Variants in ATXN1 observed in about 807,000 individuals in gnomAD.
ATXN1 encodes the protein ataxin-1.
Under a neutral mutation model 56.4 loss-of-function variants are expected in ATXN1, and 8 were observed. That is an observed-to-expected ratio of 0.14 (90% CI 0.08 to 0.26). The LOEUF (loss-of-function observed/expected upper bound fraction) is 0.26, where lower values mean the gene tolerates loss of function less well. Among genes scored for constraint, ATXN1 ranks in the 10% least tolerant of loss-of-function variants. The pLI, the probability that ATXN1 is intolerant of heterozygous loss-of-function variation, is 1.00. For missense variants in ATXN1, 987 were observed against 1,106.5 expected, an observed-to-expected ratio of 0.89 and a Z score of 1.53; for synonymous variants, 514 against 494.6, an observed-to-expected ratio of 1.04 and a Z score of -0.52.
chr6:16,577,322 G>A (rs1052640467), intron 4 of ATXN1, among the ~76,000 whole-genome samples: 1 of 151,998 alleles, frequency 6.6e-6, no homozygotes, highest in African/African-American at 2.4e-5. Flanking sequence ...CCAGGAGTTC[G>A]AGACCAGCCT....
At chr6:16,587,952 T>C (rs899921675) in intron 3 of ATXN1, among the ~76,000 whole-genome samples, 3 of 151,306 alleles carry the variant, frequency 2.0e-5, no homozygotes, top group African/African-American at 7.3e-5. Context: ...AAAAGAAAAT[T>C]CCTACTCATT....
chr6:16,419,086 C>A (rs1758976209), intron 6 of ATXN1, among the ~76,000 whole-genome samples: 2 of 152,230 alleles, frequency 1.3e-5, no homozygotes, highest in South Asian at 2.1e-4. Flanking sequence ...AATGATGGTA[C>A]ATATGTCTTA....
At chr6:16,445,003 A>G (rs1759603464) in intron 6 of ATXN1, among the ~76,000 whole-genome samples, 1 of 152,162 alleles carries the variant, frequency 6.6e-6, no homozygotes, top group Non-Finnish European at 1.5e-5. Context: ...ATTCTACCAG[A>G]CAAATGGTCT....
Position 16,304,636 on chromosome 6 carries a change from T to G in ATXN1, c.*1693A>C, listed in dbSNP as rs565832860. The G allele has an allele frequency of 2.0e-5, 3 of 152,688 alleles. No homozygotes were observed. The highest frequency in any genetic ancestry group is 7.2e-5 in the African/African-American group (3 of 41,546). 9.5% of individuals were successfully genotyped at this position (152,688 alleles called of 1,614,324 possible). On this transcript the variant is annotated 3_prime_UTR_variant, in exon 8 of 8. Coordinates refer to ENST00000436367, the MANE Select transcript of ATXN1 (RefSeq NM_001128164.2). ...ATGTGGTAAAAAGACCAAAATGAAT[T>G]TTCAAAGGAACATAACCTTATAAAA...
intron 2 of ATXN1, among the ~76,000 whole-genome samples, chr6:16,671,136 TA>T (rs1758531491): frequency 6.6e-6 from 1 of 152,214 alleles, no homozygotes; most frequent in Non-Finnish European, 1.5e-5. Context: ...GATGATGCCA[TA>T]ATTGTCCAAA....
intron 6 of ATXN1, among the ~76,000 whole-genome samples, chr6:16,437,881 G>A (rs1201954773): frequency 6.6e-6 from 1 of 152,154 alleles, no homozygotes; most frequent in Non-Finnish European, 1.5e-5. Context: ...GACCTTGTCT[G>A]GGGAAGAGGG....
chr6:16,694,805 A>T (rs1330623427), intron 2 of ATXN1, among the ~76,000 whole-genome samples: 1 of 152,164 alleles, frequency 6.6e-6, no homozygotes, highest in African/African-American at 2.4e-5. Context: ...TGCTAAATCA[A>T]TCAGCTTGTT....
intron 6 of ATXN1, among the ~76,000 whole-genome samples, chr6:16,351,093 A>C (rs1218711733): frequency 6.6e-6 from 1 of 152,184 alleles, no homozygotes; most frequent in Non-Finnish European, 1.5e-5. Context: ...TGTCTCAAAA[A>C]ATAAAGAAAA....
At chr6:16,475,994 C>T (rs1049877698) in intron 6 of ATXN1, among the ~76,000 whole-genome samples, 5 of 151,946 alleles carry the variant, frequency 3.3e-5, no homozygotes, top group Non-Finnish European at 7.4e-5. Flanking sequence ...CTCAGCCTCC[C>T]GAGTAGCTGG....
chr6:16,491,447 GC>G (rs1760662952), intron 5 of ATXN1, among the ~76,000 whole-genome samples: 2 of 151,648 alleles, frequency 1.3e-5, no homozygotes, highest in African/African-American at 4.8e-5. Flanking sequence ...ACTACGCCCG[GC>G]TAATTTTTGG....
chr6:16,527,971 T>C (rs1482754995), intron 4 of ATXN1, among the ~76,000 whole-genome samples: 2 of 152,154 alleles, frequency 1.3e-5, no homozygotes, highest in Non-Finnish European at 2.9e-5. Context: ...ATGGTCAGGC[T>C]GTGTTGTGTG....
intron 5 of ATXN1, among the ~76,000 whole-genome samples, chr6:16,510,073 G>A (rs759837718): frequency 5.9e-5 from 9 of 152,112 alleles, no homozygotes; most frequent in Non-Finnish European, 7.3e-5. Context: ...CCTCTGAAGC[G>A]TGTTTTTACT....
chr6:16,622,300 G>T lies in ATXN1; in HGVS notation c.-489+35476C>A, dbSNP rs139274278. On this transcript the variant is annotated intron_variant, in intron 3 of 7. Transcript: ENST00000436367. ...GGGAGGAACATGTTTGCATTAAACG[G>T]TAAGGAGCTTAGCTCAGGGCTCATA... Among the ~76,000 whole-genome samples, 6 of 152,282 alleles carry T rather than the reference G, an allele frequency of 3.9e-5. No individual in the cohort carries two copies. In the East Asian group the frequency reaches 5.8e-4, roughly 15 times the overall value.
chr6:16,744,758 G>T (rs1343096661), intron 2 of ATXN1, among the ~76,000 whole-genome samples: 2 of 152,224 alleles, frequency 1.3e-5, no homozygotes, highest in Non-Finnish European at 2.9e-5. Flanking sequence ...CCACTCGCCA[G>T]CCTGGTGCAG....
chr6:16,381,291 A>G (rs1157849699), intron 6 of ATXN1, among the ~76,000 whole-genome samples: 2 of 152,064 alleles, frequency 1.3e-5, no homozygotes, highest in Non-Finnish European at 2.9e-5. Flanking sequence ...ATCATGAAAA[A>G]AAAAGGGGGA....
chr6:16,344,462 G>C (rs536693063), intron 6 of ATXN1, among the ~76,000 whole-genome samples: 6 of 152,324 alleles, frequency 3.9e-5, no homozygotes, highest in African/African-American at 1.4e-4. Flanking sequence ...AGCTGCCAGT[G>C]AGGCTAGAAT....
intron 6 of ATXN1, among the ~76,000 whole-genome samples, chr6:16,480,831 G>A (rs1233467876): frequency 6.6e-6 from 1 of 152,142 alleles, no homozygotes; most frequent in Admixed American, 6.6e-5. Flanking sequence ...GATGCTGAGA[G>A]GAGGAGCTGA....
In ATXN1 at chr6:16,674,156, C is replaced by T. The variant is rs150694018; in HGVS notation, c.-614-16255G>A. Among the ~76,000 whole-genome samples the T allele has an allele frequency of 9.7e-3, 1,471 of 152,074 alleles. 15 individuals carry two copies. The highest frequency in any genetic ancestry group is 0.062 in the Middle Eastern group (18 of 292). On this transcript the variant is annotated intron_variant, in intron 2 of 7. Coordinates refer to ENST00000436367, the MANE Select transcript of ATXN1 (RefSeq NM_001128164.2). ...AAACAGCTCAAACTCAGAATTCAAC[C>T]ACAGGACTTTTTTTTAAAATGGCCC...
rs574442178 is a variant in ATXN1, at chr6:16,381,555, T to G, written c.-160-53085A>C. 3.9e-5 allele frequency among the ~76,000 whole-genome samples: 6 copies of G among 152,354 alleles called. No homozygotes were observed. In the South Asian group the frequency reaches 1.2e-3, roughly 32 times the overall value. ...GCCCTGGAAAAATATTACAGGCATA[T>G]AATGCCGTTTGTGTGTGAAGGAATG... On this transcript the variant is annotated intron_variant, in intron 6 of 7. Coordinates refer to ENST00000436367, the MANE Select transcript of ATXN1 (RefSeq NM_001128164.2).
Sources: gnomAD v4.1 joint callset for allele counts (sites outside exome capture counted in the v4.1 genomes callset) on GRCh38, gnomAD v4.1.1 for gene constraint, MANE v1.5 for transcripts, NCBI Gene and HGNC (gene_info 2026-07-23, HGNC 2026-07-21) for gene names.